The following NSDHL variants were observed in gnomAD, a reference collection of about 807,000 sequenced individuals.
The protein encoded by NSDHL is NAD(P) dependent 3-beta-hydroxysteroid dehydrogenase NSDHL.
NSDHL carries 1 observed loss-of-function variant against 23.0 expected under a neutral mutation model. The observed-to-expected ratio is 0.04, with a 90% CI of 0.02 to 0.21. The LOEUF is 0.21. NSDHL is among the 10% of genes least tolerant of loss of function. NSDHL has a pLI of 1.00. For synonymous variants in NSDHL, 128 were observed against 121.1 expected (o/e 1.06, Z -0.37); for missense variants, 237 against 300.9 (o/e 0.79, Z 1.57).
intron 4 of NSDHL, among the ~76,000 whole-genome samples, chrX:152,859,367 C>T (rs147142376): frequency 6.3e-5 from 7 of 111,778 alleles, no homozygotes; most frequent in Non-Finnish European, 1.3e-4. Flanking sequence ...ACCCATTAAA[C>T]AGCAACTCCT....
At position 152,867,575 on chromosome X, in the gene NSDHL, G is replaced by A. The variant is rs1556848233; in HGVS notation, c.691G>A (p.Gly231Arg). 1 of 1,199,699 alleles carries A rather than the reference G, an allele frequency of 8.3e-7. No homozygotes were observed. Among genetic ancestry groups the A allele is most frequent in the African/African-American group, 1.8e-5 (1 of 57,129 alleles). ...TCATCCCTTGTGCACCTGCAGAAAT[G>A]GGAAGAACTTGGTGGACTTCACCTT... is the stretch of plus-strand genomic sequence containing the variant. Reference protein sequence around the residue: ...NGKMKFVIGNGKNLVDFTFVE... With the variant: ...NGKMKFVIGNRKNLVDFTFVE... Residue 231 changes from glycine (G) to arginine (R), a missense_variant, in exon 7 of 8, where the codon GGG becomes AGG. Coordinates refer to ENST00000370274, the MANE Select transcript of NSDHL (RefSeq NM_015922.3).
Position 152,850,301 on chromosome X carries a change from C to T in NSDHL, c.145C>T (p.Leu49=). The T allele has an allele frequency of 8.3e-7, 1 of 1,211,316 alleles. No individual in the cohort carries two copies. The highest frequency in any genetic ancestry group is 1.7e-5 in the African/African-American group (1 of 57,796). ...RCTVIGGSGF[L]GQHMVEQLLA... is the part of the protein sequence containing the mutation. Reference sequence around the variant, plus strand: ...CACAGTGATCGGTGGCTCTGGATTCCTGGGGCAGCACATGGTGGAGCAGTT... The same window carrying T: ...CACAGTGATCGGTGGCTCTGGATTCTTGGGGCAGCACATGGTGGAGCAGTT... The change falls in exon 3 of 8, where the codon CTG becomes TTG. Residue 49 remains leucine, a synonymous_variant. Coordinates refer to ENST00000370274, the MANE Select transcript of NSDHL (RefSeq NM_015922.3).
At chrX:152,840,888 G>T (rs1388471753) in intron 1 of NSDHL, among the ~76,000 whole-genome samples, 1 of 113,318 alleles carries the variant, frequency 8.8e-6, no homozygotes. Flanking sequence ...GCTGCCTTTT[G>T]TTCAGCTATG....
chrX:152,866,997 G>A, intron 6 of NSDHL, among the ~76,000 whole-genome samples: 1 of 111,896 alleles, frequency 8.9e-6, no homozygotes. Flanking sequence ...CATCTGGGAA[G>A]GCAGGCGGGG....
At chrX:152,838,511 T>C (rs782284256) in intron 1 of NSDHL, among the ~76,000 whole-genome samples, 2 of 112,472 alleles carry the variant, frequency 1.8e-5, no homozygotes, top group Admixed American at 9.4e-5. Flanking sequence ...TTTGTTCTCA[T>C]TGGTTTCAAA....
chrX:152,842,476 A>G (rs1429320359), intron 1 of NSDHL, among the ~76,000 whole-genome samples: 1 of 111,452 alleles, frequency 9.0e-6, no homozygotes, highest in East Asian at 2.8e-4. Flanking sequence ...TTGATTAGTG[A>G]CGTTGAGCAT....
At chrX:152,837,889 A>T (rs1309524499) in intron 1 of NSDHL, among the ~76,000 whole-genome samples, 3 of 111,511 alleles carry the variant, frequency 2.7e-5, no homozygotes, top group African/African-American at 9.8e-5. Flanking sequence ...TCCTCTTTGT[A>T]CCTCTGGTAG....
At chrX:152,866,928 C>T (rs985385800) in intron 6 of NSDHL, among the ~76,000 whole-genome samples, 1 of 111,441 alleles carries the variant, frequency 9.0e-6, no homozygotes, top group Non-Finnish European at 1.9e-5. Flanking sequence ...TTGAAGAAAC[C>T]GTGACTCAGA....
At chrX:152,843,587 C>T (rs1323213960) in intron 1 of NSDHL, among the ~76,000 whole-genome samples, 1 of 111,949 alleles carries the variant, frequency 8.9e-6, no homozygotes, top group Non-Finnish European at 1.9e-5. Flanking sequence ...TGCCTTTCCC[C>T]TCTGTATGTC....
rs1556848523 is a variant in NSDHL at position 152,868,987 on chromosome X, G to A, written c.993G>A (p.Leu331=). The change falls in exon 8 of 8, where the codon CTG becomes CTA. Residue 331 remains leucine, a synonymous_variant. Coordinates refer to ENST00000370274, the MANE Select transcript of NSDHL (RefSeq NM_015922.3). ...CCTTCACACCCATGCGGGTCGCACT[G>A]GCTGGCACATTCCACTACTACAGCT... ...QPTFTPMRVA[L]AGTFHYYSCE... 3 of 1,210,411 alleles carry A rather than the reference G, an allele frequency of 2.5e-6. No individual in the cohort carries two copies. The African/African-American group carries it at 5.2e-5, about 21-fold the overall frequency.
chrX:152,845,814 G>A (rs1405859783), intron 1 of NSDHL, among the ~76,000 whole-genome samples: 2 of 111,848 alleles, frequency 1.8e-5, no homozygotes, highest in Non-Finnish European at 3.8e-5. Flanking sequence ...TTTCATTGAT[G>A]GGAAAACTGA....
rs782808515 is a variant in NSDHL, at chrX:152,868,922, C to A, written c.928C>A (p.Leu310Met). 5.8e-6 allele frequency: 7 copies of A among 1,212,159 alleles called. No homozygotes were observed. The South Asian group carries it at 1.2e-4, about 21-fold the overall frequency. ...CTACCTGGCCCTCCTGCTATCCCTG[C>A]TGGTGATGGTGATCAGTCCTGTCAT... ...AYYLALLLSL[L>M]VMVISPVIQL... Residue 310 changes from leucine to methionine, a missense_variant, in exon 8 of 8, where the codon CTG becomes ATG. Coordinates refer to ENST00000370274, the MANE Select transcript of NSDHL (RefSeq NM_015922.3).
intron 4 of NSDHL, among the ~76,000 whole-genome samples, chrX:152,859,468 A>C (rs1272023563): frequency 9.0e-6 from 1 of 111,484 alleles, no homozygotes; most frequent in Admixed American, 9.5e-5. Context: ...ACAGAAGTGG[A>C]CTCATGTAGT....
intron 1 of NSDHL, among the ~76,000 whole-genome samples, chrX:152,832,483 C>A (rs1253630063): frequency 8.9e-6 from 1 of 111,766 alleles, no homozygotes; most frequent in Non-Finnish European, 1.9e-5. Flanking sequence ...CCCTGCTCTA[C>A]CAGGTTAATC....
chrX:152,853,476 A>C, intron 3 of NSDHL, among the ~76,000 whole-genome samples: 1 of 110,962 alleles, frequency 9.0e-6, no homozygotes, highest in Non-Finnish European at 1.9e-5. Flanking sequence ...CATTGCTGCC[A>C]CCCTGGTCCA....
chrX:152,844,213 T>C (rs782113556), intron 1 of NSDHL, among the ~76,000 whole-genome samples: 4 of 112,080 alleles, frequency 3.6e-5, no homozygotes, highest in Non-Finnish European at 7.5e-5. Flanking sequence ...ACTTTACATA[T>C]GAGGAAAGGC....
At chrX:152,843,302 G>A (rs1157145732) in intron 1 of NSDHL, among the ~76,000 whole-genome samples, 3 of 111,642 alleles carry the variant, frequency 2.7e-5, no homozygotes, top group African/African-American at 6.5e-5. Context: ...TTTGGATTTC[G>A]GCACTACAAA....
At chrX:152,861,132 G>A (rs1171281847) in intron 4 of NSDHL, among the ~76,000 whole-genome samples, 1 of 112,777 alleles carries the variant, frequency 8.9e-6, no homozygotes, top group Admixed American at 9.4e-5. Context: ...GAGATCAAAA[G>A]ATTATTTAAT....
intron 5 of NSDHL, 103 bp from the exon 6 acceptor site, chrX:152,865,716 C>G: frequency 9.8e-7 from 1 of 1,016,801 alleles, no homozygotes; most frequent in African/African-American, 1.8e-5. Flanking sequence ...AGTGTGTCAT[C>G]TGTCTGTCCC....
Sources: allele counts gnomAD v4.1 joint callset (sites outside exome capture counted in the v4.1 genomes callset), GRCh38; gene constraint gnomAD v4.1.1; transcripts MANE v1.5; gene names NCBI Gene and HGNC (gene_info 2026-07-23, HGNC 2026-07-21).